Variants in RARB observed in about 807,000 individuals in gnomAD.
The protein encoded by RARB is HBV-activated protein.
RARB carries 17 observed loss-of-function variants against 51.9 expected under a neutral mutation model. The observed-to-expected ratio is 0.33, with a 90% CI of 0.22 to 0.49. The LOEUF is 0.49. Ranked by LOEUF, RARB falls within the 20% of genes least tolerant of loss-of-function variation. The probability of loss-of-function intolerance (pLI) is 0.99; values close to 1 mark genes in which losing one functional copy is unlikely to be tolerated. For synonymous variants in RARB, 215 were observed against 195.4 expected, an observed-to-expected ratio of 1.10 and a Z score of -0.84; for missense variants, 369 against 550.8, an observed-to-expected ratio of 0.67 and a Z score of 3.30.
chr3:25,033,204 G>A (rs953716785), intron 2 of RARB, among the ~76,000 whole-genome samples: 5 of 152,070 alleles, frequency 3.3e-5, no homozygotes, highest in Non-Finnish European at 5.9e-5. Flanking sequence ...TTATTATGAA[G>A]GTCTAGAGCT....
intron 2 of RARB, among the ~76,000 whole-genome samples, chr3:24,895,578 G>A (rs992835807): frequency 5.3e-5 from 8 of 150,704 alleles, no homozygotes; most frequent in African/African-American, 2.0e-4. Context: ...CTTTCTATAT[G>A]CTAATTATCT....
In RARB at chr3:25,010,203, C is replaced by T. The variant is rs1162322284; in HGVS notation, c.-379-49922C>T. 2.6e-5 allele frequency among the ~76,000 whole-genome samples: 4 copies of T among 152,070 alleles called. No individual in the cohort carries two copies. The East Asian group carries it at 5.8e-4, about 22-fold the overall frequency. ...CATATCGGATTAATTTTACACCTTTCTCCATCAGATTTTGTATCTTAAATG... is the reference window on the plus strand; with the variant it reads ...CATATCGGATTAATTTTACACCTTTTTCCATCAGATTTTGTATCTTAAATG... On this transcript the variant is annotated intron_variant, in intron 2 of 11. Transcript: ENST00000383772.
At position 25,593,485 on chromosome 3, in the gene RARB, A is replaced by T. The variant is rs188860314; in HGVS notation, c.787-18A>T. ...ACAGGATGGCTTAGAACATCCATCA[A>T]TTTTTTTTTCCTTCCAGATTCTTAG... On this transcript the variant is annotated intron_variant, in intron 5 of 7. Transcript: ENST00000330688. 1.3e-6 allele frequency: 2 copies of T among 1,583,934 alleles called. No homozygotes were observed. Among genetic ancestry groups the T allele is most frequent in the African/African-American group, 1.4e-5 (1 of 74,018 alleles).
intron 4 of RARB, among the ~76,000 whole-genome samples, chr3:25,170,301 T>C (rs1264459096): frequency 6.6e-6 from 1 of 152,210 alleles, no homozygotes; most frequent in African/African-American, 2.4e-5. Context: ...ATATTCACTT[T>C]CTGGCTCTTT....
chr3:25,001,536 C>T (rs1362364256), intron 2 of RARB, among the ~76,000 whole-genome samples: 2 of 152,066 alleles, frequency 1.3e-5, no homozygotes, highest in Non-Finnish European at 2.9e-5. Context: ...TGTTGGCAAG[C>T]CACCACAGTG....
intron 4 of RARB, among the ~76,000 whole-genome samples, chr3:25,171,513 C>T (rs1398133591): frequency 1.9e-5 from 2 of 107,140 alleles, no homozygotes; most frequent in South Asian, 5.9e-4. Flanking sequence ...AAAAAAAAAG[C>T]CCAGACATGA....
intron 5 of RARB, among the ~76,000 whole-genome samples, chr3:25,225,936 A>C (rs571535160): frequency 9.2e-5 from 14 of 152,320 alleles, no homozygotes; most frequent in African/African-American, 3.1e-4. Context: ...TCATCTTCCA[A>C]ATAAGGATGC....
chr3:25,327,561 T>G (rs1050887241), intron 5 of RARB, among the ~76,000 whole-genome samples: 2 of 152,222 alleles, frequency 1.3e-5, no homozygotes, highest in African/African-American at 4.8e-5. Flanking sequence ...TAGAGACGTC[T>G]TTAGATACGT....
intron 5 of RARB, among the ~76,000 whole-genome samples, chr3:25,298,174 G>C (rs1053923521): frequency 1.9e-4 from 27 of 145,156 alleles, no homozygotes; most frequent in African/African-American, 6.4e-4. Flanking sequence ...ATTAAGAGTT[G>C]CTACCAAATC....
intron 5 of RARB, among the ~76,000 whole-genome samples, chr3:25,238,705 G>A (rs1401198785): frequency 6.6e-6 from 1 of 152,112 alleles, no homozygotes; most frequent in Non-Finnish European, 1.5e-5. Context: ...CCTGTGGGCT[G>A]GGTGCAGTGG....
intron 2 of RARB, among the ~76,000 whole-genome samples, chr3:24,990,308 T>G (rs530721582): frequency 1.5e-5 from 1 of 64,924 alleles, no homozygotes; most frequent in Non-Finnish European, 3.0e-5. Flanking sequence ...GTATATCTCC[T>G]AATGCTATCC....
chr3:25,080,751 A>G (rs374471016), intron 3 of RARB, among the ~76,000 whole-genome samples: 3 of 152,128 alleles, frequency 2.0e-5, no homozygotes, highest in East Asian at 3.8e-4. Context: ...CTATTTTTCA[A>G]CTGAGTTGAC....
At chr3:25,340,780 G>A (rs535886826) in intron 5 of RARB, among the ~76,000 whole-genome samples, 55 of 152,306 alleles carry the variant, frequency 3.6e-4, no homozygotes, top group African/African-American at 1.3e-3. Flanking sequence ...ATTTTAGGGA[G>A]GATCTCGCTT....
Position 25,121,201 on chromosome 3 carries a change from T to A in RARB, c.-327-10960T>A, listed in dbSNP as rs557525293. 3.3e-5 allele frequency among the ~76,000 whole-genome samples: 5 copies of A among 152,172 alleles called. No homozygotes were observed. The South Asian group carries it at 1.0e-3, about 32-fold the overall frequency. ...TAAGTCTCAAAGGGGAGGGCAGAGT[T>A]CCCCAGGTGGAAAAGGGAGAATTTT... On this transcript the variant is annotated intron_variant, in intron 3 of 11. Transcript: ENST00000383772.
At chr3:25,159,593 G>A (rs183276554) in intron 4 of RARB, among the ~76,000 whole-genome samples, 163 of 152,116 alleles carry the variant, frequency 1.1e-3, no homozygotes, top group African/African-American at 3.8e-3. Context: ...TTATATGATC[G>A]TACATTTTAT....
chr3:24,882,452 A>T (rs1703186875), intron 2 of RARB, among the ~76,000 whole-genome samples: 1 of 152,236 alleles, frequency 6.6e-6, no homozygotes, highest in Non-Finnish European at 1.5e-5. Context: ...GGCATAGGTG[A>T]CACACAAATG....
intron 1 of RARB, among the ~76,000 whole-genome samples, chr3:24,835,928 C>T (rs894304975): frequency 2.0e-5 from 3 of 152,194 alleles, no homozygotes; most frequent in African/African-American, 7.2e-5. Flanking sequence ...TCACCACAGA[C>T]TGTCTCTTCA....
Position 25,509,098 on chromosome 3 carries a change from C to T in RARB, c.448+7775C>T, listed in dbSNP as rs531802814. The stretch of plus-strand genomic sequence containing the variant: ...TTAGAAAAATGAGAAATTTCCATTA[C>T]ACAATAGAACAGCACAGGGCAAAGA... On this transcript the variant is annotated intron_variant, in intron 3 of 7. Transcript: ENST00000330688. Among the ~76,000 whole-genome samples, 10 of 152,290 alleles carry T rather than the reference C, an allele frequency of 6.6e-5. No homozygotes were observed. In the East Asian group the frequency reaches 1.3e-3, roughly 21 times the overall value.
At chr3:24,894,619 A>G (rs1703444497) in intron 2 of RARB, among the ~76,000 whole-genome samples, 1 of 152,158 alleles carries the variant, frequency 6.6e-6, no homozygotes, top group African/African-American at 2.4e-5. Context: ...ATTCTTTTGA[A>G]TATATACTCA....
Sources: gnomAD v4.1 joint callset for allele counts (sites outside exome capture counted in the v4.1 genomes callset) on GRCh38, gnomAD v4.1.1 for gene constraint, MANE v1.5 for transcripts, NCBI Gene and HGNC (gene_info 2026-07-23, HGNC 2026-07-21) for gene names.